PDZRN4: variants seen among roughly 807,000 people sequenced by gnomAD.
PDZRN4 encodes PDZ domain containing ring finger 4.
Under a neutral mutation model 99.0 loss-of-function variants are expected in PDZRN4, and 70 were observed. That is an observed-to-expected ratio of 0.71 (90% confidence interval 0.58 to 0.86). PDZRN4 has a LOEUF of 0.86. Among genes scored for constraint, PDZRN4 ranks in the 40% least tolerant of loss-of-function variants. PDZRN4 has a pLI of 0.00. For missense variants in PDZRN4, 1,474 were observed against 1,331.2 expected, an observed-to-expected ratio of 1.11 and a Z score of -1.67; for synonymous variants, 551 against 501.6, an observed-to-expected ratio of 1.10 and a Z score of -1.32.
At chr12:41,510,894 T>C (rs1592091273) in intron 5 of PDZRN4, among the ~76,000 whole-genome samples, 1 of 152,224 alleles carries the variant, frequency 6.6e-6, no homozygotes, top group East Asian at 1.9e-4. Flanking sequence ...GGATGTGAAA[T>C]GACAACTGGT....
intron 3 of PDZRN4, among the ~76,000 whole-genome samples, chr12:41,421,491 C>T (rs955800724): frequency 1.3e-5 from 2 of 152,132 alleles, no homozygotes; most frequent in African/African-American, 4.8e-5. Context: ...CCGTGCCCAG[C>T]CTATTTGTAT....
chr12:41,566,060 G>C (rs558322119), intron 8 of PDZRN4, among the ~76,000 whole-genome samples: 1 of 152,256 alleles, frequency 6.6e-6, no homozygotes, highest in South Asian at 2.1e-4. Flanking sequence ...ATCTCCCTTT[G>C]CTAATTGTGC....
chr12:41,231,887 A>G (rs1268521367), intron 3 of PDZRN4, among the ~76,000 whole-genome samples: 28 of 152,090 alleles, frequency 1.8e-4, no homozygotes, highest in Non-Finnish European at 1.5e-5. Context: ...AGACAGGATC[A>G]TTATACAGTA....
chr12:41,239,513 G>T (rs75717061), intron 3 of PDZRN4, among the ~76,000 whole-genome samples: 2 of 152,100 alleles, frequency 1.3e-5, no homozygotes, highest in Non-Finnish European at 2.9e-5. Context: ...TCTGCCACCT[G>T]TTCTGTTTTC....
intron 4 of PDZRN4, among the ~76,000 whole-genome samples, chr12:41,507,857 T>A (rs960889233): frequency 6.6e-6 from 1 of 152,030 alleles, no homozygotes; most frequent in African/African-American, 2.4e-5. Context: ...AACTAGATGC[T>A]TGGCATAAAA....
At chr12:41,239,704 G>T (rs574381692) in intron 3 of PDZRN4, among the ~76,000 whole-genome samples, 1 of 152,242 alleles carries the variant, frequency 6.6e-6, no homozygotes, top group East Asian at 1.9e-4. Context: ...ATTTTACGAA[G>T]CTTTAGAAAG....
At chr12:41,313,205 C>G (rs1592007938) in intron 3 of PDZRN4, among the ~76,000 whole-genome samples, 1 of 152,144 alleles carries the variant, frequency 6.6e-6, no homozygotes, top group East Asian at 1.9e-4. Flanking sequence ...TTGTAAATCT[C>G]TTTCCTCCTC....
At chr12:41,403,958 G>A (rs931071253) in intron 3 of PDZRN4, among the ~76,000 whole-genome samples, 1 of 152,080 alleles carries the variant, frequency 6.6e-6, no homozygotes, top group African/African-American at 2.4e-5. Context: ...ATCTATTGGG[G>A]TGTTGGCTGC....
At chr12:41,262,588 A>G (rs1951248045) in intron 3 of PDZRN4, among the ~76,000 whole-genome samples, 1 of 152,222 alleles carries the variant, frequency 6.6e-6, no homozygotes, top group African/African-American at 2.4e-5. Context: ...TACAACTTCC[A>G]TTGAAGACAT....
At position 41,268,242 on chromosome 12, in the gene PDZRN4, G is replaced by T. The variant is rs190635239; in HGVS notation, c.843+74054G>T. ...GTTGTGTCAACTTTACAGATGAGGAGACTTGAGAAAAGTTTAGCAAATTGC... is the reference window on the plus strand; with the variant it reads ...GTTGTGTCAACTTTACAGATGAGGATACTTGAGAAAAGTTTAGCAAATTGC... On this transcript the variant is annotated intron_variant, in intron 3 of 9. Coordinates refer to ENST00000402685, the MANE Select transcript of PDZRN4 (RefSeq NM_001164595.2). Among the ~76,000 whole-genome samples, 391 of 152,308 alleles carry T rather than the reference G, an allele frequency of 2.6e-3. 1 individual carries two copies. The highest frequency in any genetic ancestry group is 8.8e-3 in the African/African-American group (367 of 41,566).
chr12:41,385,231 A>G (rs1952160718), intron 3 of PDZRN4, among the ~76,000 whole-genome samples: 1 of 152,220 alleles, frequency 6.6e-6, no homozygotes, highest in African/African-American at 2.4e-5. Context: ...GAGTTGCACA[A>G]TTAAAAAGGA....
chr12:41,459,760 T>C (rs1302304913), intron 3 of PDZRN4, among the ~76,000 whole-genome samples: 2 of 152,192 alleles, frequency 1.3e-5, no homozygotes, highest in African/African-American at 4.8e-5. Flanking sequence ...ATCAATTAAA[T>C]GTAGTTCACA....
chr12:41,209,809 G>A (rs1378291655), intron 3 of PDZRN4, among the ~76,000 whole-genome samples: 3 of 149,366 alleles, frequency 2.0e-5, no homozygotes, highest in Non-Finnish European at 3.0e-5. Flanking sequence ...ATAAACATAC[G>A]TGTGCATGTG....
chr12:41,384,649 G>A (rs1178195992), intron 3 of PDZRN4, among the ~76,000 whole-genome samples: 1 of 152,034 alleles, frequency 6.6e-6, no homozygotes, highest in East Asian at 1.9e-4. Context: ...CTTATTTCTT[G>A]GCTTGTGAGG....
At chr12:41,360,042 T>A (rs1464179277) in intron 3 of PDZRN4, among the ~76,000 whole-genome samples, 1 of 152,072 alleles carries the variant, frequency 6.6e-6, no homozygotes, top group East Asian at 1.9e-4. Context: ...ATTGTAAGCA[T>A]CATCCAATGT....
chr12:41,423,275 C>T (rs1032845431), intron 3 of PDZRN4, among the ~76,000 whole-genome samples: 1 of 152,026 alleles, frequency 6.6e-6, no homozygotes, highest in Non-Finnish European at 1.5e-5. Flanking sequence ...AGGTATTTCT[C>T]CTAATGCTAT....
intron 3 of PDZRN4, among the ~76,000 whole-genome samples, chr12:41,197,932 G>GTTTTGTTTTTTTTTTTTTTTTT (rs1187817105): frequency 8.2e-5 from 2 of 24,404 alleles, no homozygotes; most frequent in East Asian, 1.2e-3. Flanking sequence ...TTTTTTTTTT[G>GTTTTGTTTTTTTTTTTTTTTTT]GAGACAGGAT....
chr12:41,428,516 A>G (rs74428896), intron 3 of PDZRN4, among the ~76,000 whole-genome samples: 1,739 of 152,334 alleles, frequency 0.011, 27 homozygotes, highest in African/African-American at 0.04. Flanking sequence ...CTCTAAAAAA[A>G]GAGAGAAATA....
At chr12:41,290,419 A>G (rs1408797539) in intron 3 of PDZRN4, among the ~76,000 whole-genome samples, 2 of 152,300 alleles carry the variant, frequency 1.3e-5, no homozygotes, top group Non-Finnish European at 1.5e-5. Context: ...TCATTGATTT[A>G]TCGCATTTTC....
Sources: allele counts gnomAD v4.1 joint callset (sites outside exome capture counted in the v4.1 genomes callset), GRCh38; gene constraint gnomAD v4.1.1; transcripts MANE v1.5; gene names NCBI Gene and HGNC (gene_info 2026-07-23, HGNC 2026-07-21).